ZNF124: variants seen among roughly 807,000 people sequenced by gnomAD.
The protein encoded by ZNF124 is zinc finger protein HZF-16.
ZNF124 carries 25 observed loss-of-function variants against 26.6 expected under a neutral mutation model. The ratio of observed to expected loss-of-function variants is 0.94; its 90% CI spans 0.68 to 1.31. The LOEUF (loss-of-function observed/expected upper bound fraction) is 1.31. ZNF124 is among the 40% of genes most tolerant of loss of function. The pLI is 0.00. For synonymous variants in ZNF124, 129 were observed against 133.3 expected (o/e 0.97, Z 0.22); for missense variants, 444 against 422.2 (o/e 1.05, Z -0.45).
At chr1:247,126,320 T>A (rs1424302036) in intron 3 of ZNF124, among the ~76,000 whole-genome samples, 2 of 104,060 alleles carry the variant, frequency 1.9e-5, no homozygotes, top group African/African-American at 8.0e-5. Context: ...TCACTAAGAG[T>A]CTGAGGGGGC....
At chr1:247,153,246 G>A (rs978119773), downstream of ZNF124, among the ~76,000 whole-genome samples, 1 of 151,946 alleles carries the variant, frequency 6.6e-6, no homozygotes, top group African/African-American at 2.4e-5. Flanking sequence ...ACATGTAAAT[G>A]TACACCAGTT....
At chr1:247,127,494 C>T (rs868648137) in intron 3 of ZNF124, among the ~76,000 whole-genome samples, 12 of 112,138 alleles carry the variant, frequency 1.1e-4, no homozygotes, top group Middle Eastern at 3.6e-3. Flanking sequence ...CCAATTTCTG[C>T]CTCCAAAGAA....
chr1:247,131,194 G>A (rs78089698), intron 3 of ZNF124, among the ~76,000 whole-genome samples: 2,232 of 152,262 alleles, frequency 0.015, 51 homozygotes, highest in African/African-American at 0.05. Context: ...GTGGTGCTGC[G>A]GCCCACCTGA....
chr1:247,126,029 TGAG>T (rs142736718), intron 3 of ZNF124, among the ~76,000 whole-genome samples: 34,263 of 151,990 alleles, frequency 0.23, 4,159 homozygotes, highest in Middle Eastern at 0.32. Flanking sequence ...TTTGGGAGGC[TGAG>T]GTGGGCGGAT....
downstream of ZNF124, among the ~76,000 whole-genome samples, chr1:247,154,641 A>G (rs923231256): frequency 4.8e-5 from 7 of 146,900 alleles, no homozygotes; most frequent in Non-Finnish European, 3.0e-5. Context: ...ATATATAAGA[A>G]GACTTACACT....
At chr1:247,136,992 C>T (rs1463054899) in intron 3 of ZNF124, among the ~76,000 whole-genome samples, 1 of 151,358 alleles carries the variant, frequency 6.6e-6, no homozygotes, top group African/African-American at 2.4e-5. Flanking sequence ...CCAATATACC[C>T]AAGACAATCC....
chr1:247,163,427 A>G (rs891545675), intron 1 of ZNF124, among the ~76,000 whole-genome samples: 28 of 151,736 alleles, frequency 1.8e-4, no homozygotes, highest in African/African-American at 6.5e-4. Context: ...TATAAACACA[A>G]TCAGAAGTGA....
chr1:247,170,278 CAATT>C (rs1674026302), intron 1 of ZNF124, among the ~76,000 whole-genome samples: 1 of 150,014 alleles, frequency 6.7e-6, no homozygotes, highest in South Asian at 2.1e-4. Flanking sequence ...ACATGATAAA[CAATT>C]ACATTACTGC....
At position 247,159,016 on chromosome 1, in the gene ZNF124, T is replaced by C. The variant is rs1432279702; in HGVS notation, c.208A>G (p.Arg70Gly). The C allele has an allele frequency of 1.2e-6, 2 of 1,613,632 alleles. No homozygotes were observed. Among genetic ancestry groups the C allele is most frequent in the Admixed American group, 1.7e-5 (1 of 59,886 alleles). Reference protein sequence around the residue: ...SIEDQYKNSSRNLRHIISHSG... With the variant: ...SIEDQYKNSSGNLRHIISHSG... ...GTGAGGGCAAATTACCTTAGATTTC[T>C]TGAAGAATTTTTGTACTGATCTTCA... is the stretch of plus-strand genomic sequence containing the variant. The change falls in exon 3 of 4, where the codon AGA becomes GGA. Residue 70 changes from arginine (R) to glycine (G), a missense_variant. By Grantham distance (125) the Arg-to-Gly change is moderately radical (BLOSUM62 -2). Transcript: ENST00000543802.
At chr1:247,152,905 G>A (rs779871378), downstream of ZNF124, among the ~76,000 whole-genome samples, 3 of 152,104 alleles carry the variant, frequency 2.0e-5, no homozygotes, top group East Asian at 1.9e-4. Context: ...AGGCCAAGGC[G>A]GGCGGATCAC....
rs575652385 is a variant in ZNF124, at chr1:247,156,488, C to T, written c.*78G>A. 58 of 1,430,878 alleles carry T rather than the reference C, an allele frequency of 4.1e-5. No individual in the cohort carries two copies. In the African/African-American group the frequency reaches 7.6e-4, roughly 19 times the overall value. 88.6% of individuals were successfully genotyped at this position (1,430,878 alleles called of 1,614,324 possible). A position where few individuals can be genotyped will look rare whatever the true frequency, so the allele number is the denominator to read the frequency against. ...GAAATCTGGGAAAATTAAGTACTTTCCTACACCTTACATTCACAGTTTCTC... is the reference window on the plus strand; with the variant it reads ...GAAATCTGGGAAAATTAAGTACTTTTCTACACCTTACATTCACAGTTTCTC... On this transcript the variant is annotated 3_prime_UTR_variant, in exon 4 of 4. Coordinates refer to ENST00000543802, the MANE Select transcript of ZNF124 (RefSeq NM_001297568.2).
downstream of ZNF124, among the ~76,000 whole-genome samples, chr1:247,151,803 C>T (rs1186210404): frequency 2.0e-5 from 3 of 150,112 alleles, no homozygotes; most frequent in African/African-American, 7.3e-5. Flanking sequence ...ATTCACACAA[C>T]AGAATTCAAT....
chr1:247,154,117 G>GAC (rs67344627), downstream of ZNF124, among the ~76,000 whole-genome samples: 67 of 149,584 alleles, frequency 4.5e-4, 1 homozygote, highest in South Asian at 1.0e-3. Context: ...GCATATGTGT[G>GAC]ACACACACAC....
chr1:247,163,014 A>G (rs759933215), intron 1 of ZNF124, among the ~76,000 whole-genome samples: 1 of 152,180 alleles, frequency 6.6e-6, no homozygotes, highest in South Asian at 2.1e-4. Flanking sequence ...CACATACTCT[A>G]AAATCAACCA....
At chr1:247,153,838 G>C (rs143040216), downstream of ZNF124, among the ~76,000 whole-genome samples, 53 of 152,296 alleles carry the variant, frequency 3.5e-4, no homozygotes, top group African/African-American at 1.2e-3. Flanking sequence ...CCATGCTAAC[G>C]AAAGCCCCCT....
chr1:247,151,639 CAAT>C (rs751611862), downstream of ZNF124, among the ~76,000 whole-genome samples: 3 of 152,166 alleles, frequency 2.0e-5, no homozygotes, highest in Non-Finnish European at 2.9e-5. Flanking sequence ...TACAACACAA[CAAT>C]GTGATTATTA....
intron 3 of ZNF124, among the ~76,000 whole-genome samples, chr1:247,132,984 G>T (rs1419204639): frequency 6.6e-6 from 1 of 152,112 alleles, no homozygotes; most frequent in Non-Finnish European, 1.5e-5. Flanking sequence ...CGGTGTCTGA[G>T]GAGTTTTGTC....
intron 3 of ZNF124, among the ~76,000 whole-genome samples, chr1:247,139,696 T>TGAACTCCG (rs1470690680): frequency 6.6e-6 from 1 of 152,194 alleles, no homozygotes; most frequent in African/African-American, 2.4e-5. Flanking sequence ...CTGGTGGTAA[T>TGAACTCCG]GAACTCCCTC....
intron 3 of ZNF124, among the ~76,000 whole-genome samples, chr1:247,147,207 TTC>T (rs1672807073): frequency 6.6e-6 from 1 of 151,736 alleles, no homozygotes; most frequent in African/African-American, 2.4e-5. Context: ...ACTCAAGGAT[TTC>T]TGTTAGTCAT....
Sources: allele counts gnomAD v4.1 joint callset (sites outside exome capture counted in the v4.1 genomes callset), GRCh38; gene constraint gnomAD v4.1.1; transcripts MANE v1.5; gene names NCBI Gene and HGNC (gene_info 2026-07-23, HGNC 2026-07-21).